The following KITLG variants were observed in gnomAD, a reference collection of about 807,000 sequenced individuals.
KITLG encodes KIT ligand, also known as c-Kit ligand.
A neutral mutation model predicts 34.1 loss-of-function variants in KITLG; 13 were observed. That is an observed-to-expected ratio of 0.38 (90% CI 0.25 to 0.61). The LOEUF is 0.61. Ranked by LOEUF, KITLG falls within the 20% of genes least tolerant of loss-of-function variation. The pLI is 0.60. For missense variants in KITLG, 292 were observed against 318.9 expected (o/e 0.92, Z 0.64); for synonymous variants, 110 against 104.0 (o/e 1.06, Z -0.35).
chr12:88,565,990 C>T (rs974790332), intron 1 of KITLG, among the ~76,000 whole-genome samples: 4 of 152,194 alleles, frequency 2.6e-5, no homozygotes, highest in African/African-American at 4.8e-5. Context: ...CTGGCATTAG[C>T]GAGTTTTAAC....
At chr12:88,523,209 A>T (rs1359792131) in intron 3 of KITLG, among the ~76,000 whole-genome samples, 1 of 152,218 alleles carries the variant, frequency 6.6e-6, no homozygotes, top group Non-Finnish European at 1.5e-5. Flanking sequence ...ATCTAGAGCC[A>T]TGTCATCAGA....
At chr12:88,551,097 A>G (rs985009142) in intron 1 of KITLG, among the ~76,000 whole-genome samples, 6 of 152,208 alleles carry the variant, frequency 3.9e-5, no homozygotes, top group Admixed American at 6.5e-5. Context: ...TGAAAAACCT[A>G]TATTTCTTAA....
chr12:88,563,962 C>CAA (rs528082425), intron 1 of KITLG, among the ~76,000 whole-genome samples: 95 of 149,410 alleles, frequency 6.4e-4, no homozygotes, highest in Middle Eastern at 3.5e-3. Context: ...AACTCCATCT[C>CAA]AAAAAAAAAG....
At chr12:88,543,977 T>C (rs1345585995) in intron 2 of KITLG, among the ~76,000 whole-genome samples, 2 of 152,134 alleles carry the variant, frequency 1.3e-5, no homozygotes, top group African/African-American at 4.8e-5. Flanking sequence ...GCTTCTAGAA[T>C]CTGAGAACAA....
chr12:88,549,589 G>A (rs939739624), intron 1 of KITLG, among the ~76,000 whole-genome samples: 1 of 152,150 alleles, frequency 6.6e-6, no homozygotes, highest in African/African-American at 2.4e-5. Context: ...GGGGAAGACT[G>A]GGGGTAGAGA....
intron 1 of KITLG, among the ~76,000 whole-genome samples, chr12:88,571,835 C>T (rs1398860756): frequency 6.6e-6 from 1 of 152,080 alleles, no homozygotes; most frequent in Non-Finnish European, 1.5e-5. Context: ...ATTAAATAAG[C>T]CACACTAATG....
At chr12:88,573,705 A>C (rs1235834299) in intron 1 of KITLG, among the ~76,000 whole-genome samples, 1 of 152,228 alleles carries the variant, frequency 6.6e-6, no homozygotes, top group African/African-American at 2.4e-5. Flanking sequence ...GCCCCCCTCC[A>C]ACCTGTGCTC....
intron 1 of KITLG, among the ~76,000 whole-genome samples, chr12:88,564,618 T>C (rs757168342): frequency 2.0e-5 from 3 of 152,184 alleles, no homozygotes; most frequent in Non-Finnish European, 4.4e-5. Context: ...TTTGGAGCTT[T>C]TCTTTGCAAA....
chr12:88,497,235 T>C (rs968166721), intron 9 of KITLG, 54 bp from the exon 10 acceptor site: 2 of 369,620 alleles, frequency 5.4e-6, no homozygotes, highest in African/African-American at 4.3e-5. Flanking sequence ...TCTGCCTTTT[T>C]AAAAATCTCA....
chr12:88,551,848 G>C (rs962492860), intron 1 of KITLG, among the ~76,000 whole-genome samples: 1 of 152,156 alleles, frequency 6.6e-6, no homozygotes, highest in Non-Finnish European at 1.5e-5. Flanking sequence ...AAGAACTAGA[G>C]ATGAAGAGAC....
intron 1 of KITLG, among the ~76,000 whole-genome samples, chr12:88,547,145 A>G (rs529985547): frequency 6.6e-6 from 1 of 152,344 alleles, no homozygotes; most frequent in South Asian, 2.1e-4. Flanking sequence ...TTAAAATTAC[A>G]CAAGAGTCCA....
At chr12:88,567,085 A>G (rs1312275687) in intron 1 of KITLG, among the ~76,000 whole-genome samples, 4 of 152,168 alleles carry the variant, frequency 2.6e-5, no homozygotes, top group Non-Finnish European at 4.4e-5. Flanking sequence ...AAAATTACAC[A>G]TGTCAGTGTT....
At chr12:88,520,470 C>G (rs1869617853) in intron 3 of KITLG, among the ~76,000 whole-genome samples, 1 of 152,160 alleles carries the variant, frequency 6.6e-6, no homozygotes, top group Non-Finnish European at 1.5e-5. Flanking sequence ...GTAGCTTTCA[C>G]CAATTCATTC....
intron 5 of KITLG, 44 bp from the exon 6 acceptor site, chr12:88,515,661 T>C: frequency 7.0e-7 from 1 of 1,422,194 alleles, no homozygotes; most frequent in African/African-American, 1.4e-5. Context: ...TGGTGATTTG[T>C]ATGAGTTATA....
At chr12:88,577,754 T>A (rs982255903) in intron 1 of KITLG, among the ~76,000 whole-genome samples, 1 of 152,204 alleles carries the variant, frequency 6.6e-6, no homozygotes, top group Non-Finnish European at 1.5e-5. Flanking sequence ...AATGAATGAA[T>A]CATTCATCAA....
At chr12:88,535,473 G>A (rs1870276316) in intron 2 of KITLG, among the ~76,000 whole-genome samples, 1 of 152,110 alleles carries the variant, frequency 6.6e-6, no homozygotes. Flanking sequence ...AGGTTAACCG[G>A]TATCCCCAAG....
chr12:88,560,195 A>G (rs1295550912), intron 1 of KITLG, among the ~76,000 whole-genome samples: 2 of 152,240 alleles, frequency 1.3e-5, no homozygotes, highest in African/African-American at 2.4e-5. Context: ...CTATGAGAAC[A>G]TTACATGACT....
At chr12:88,560,555 C>G (rs1871261430) in intron 1 of KITLG, among the ~76,000 whole-genome samples, 1 of 152,190 alleles carries the variant, frequency 6.6e-6, no homozygotes, top group African/African-American at 2.4e-5. Context: ...CAGGCAGGCT[C>G]TTTTCTACCT....
In KITLG at chr12:88,507,021, C is replaced by A; in HGVS notation, c.714+7G>T. The A allele has an allele frequency of 7.0e-7, 1 of 1,422,228 alleles. No homozygotes were observed. Among genetic ancestry groups the A allele is most frequent in the Non-Finnish European group, 1.0e-6 (1 of 1,004,930 alleles). 88.1% of individuals were successfully genotyped at this position (1,422,228 alleles called of 1,614,324 possible). ...ATATTTTTAAAAAAAGGAATGGTACCACTTACCTTCCAGTATAAGGCTCCA... is the reference window on the plus strand; with the variant it reads ...ATATTTTTAAAAAAAGGAATGGTACAACTTACCTTCCAGTATAAGGCTCCA... On this transcript the variant is annotated splice_region_variant and intron_variant, in intron 7 of 9. Transcript: ENST00000644744.
Sources: allele counts gnomAD v4.1 joint callset (sites outside exome capture counted in the v4.1 genomes callset), GRCh38; gene constraint gnomAD v4.1.1; transcripts MANE v1.5; gene names NCBI Gene and HGNC (gene_info 2026-07-23, HGNC 2026-07-21).